PRKAG2: variants seen among roughly 807,000 people sequenced by gnomAD.
PRKAG2 encodes protein kinase AMP-activated non-catalytic subunit gamma 2, also known as 5'-AMP-activated protein kinase subunit gamma-2.
PRKAG2 carries 26 observed loss-of-function variants against 69.6 expected under a neutral mutation model. The observed-to-expected ratio is 0.37, with a 90% CI of 0.27 to 0.52. The LOEUF (loss-of-function observed/expected upper bound fraction) is 0.52, where lower values mean the gene tolerates loss of function less well. Ranked by LOEUF, PRKAG2 falls within the 20% of genes least tolerant of loss-of-function variation. The pLI, the probability that PRKAG2 is intolerant of heterozygous loss-of-function variation, is 0.90. For synonymous variants in PRKAG2, 293 were observed against 285.0 expected (o/e 1.03, Z -0.28); for missense variants, 557 against 740.0 (o/e 0.75, Z 2.87).
At chr7:151,744,060 A>G (rs1323160857) in intron 3 of PRKAG2, among the ~76,000 whole-genome samples, 1 of 152,202 alleles carries the variant, frequency 6.6e-6, no homozygotes, top group Non-Finnish European at 1.5e-5. Context: ...GGGCTCGAAG[A>G]TGGAGCACGG....
chr7:151,659,880 C>T (rs1585565314), intron 4 of PRKAG2, among the ~76,000 whole-genome samples: 1 of 152,324 alleles, frequency 6.6e-6, no homozygotes, highest in East Asian at 1.9e-4. Context: ...TGTCTGAACA[C>T]ATCACTCACG....
chr7:151,801,630 C>T (rs1318106760), intron 1 of PRKAG2, among the ~76,000 whole-genome samples: 2 of 152,158 alleles, frequency 1.3e-5, no homozygotes, highest in African/African-American at 2.4e-5. Flanking sequence ...CGCTAATGAA[C>T]CTAAACAAGG....
intron 6 of PRKAG2, among the ~76,000 whole-genome samples, chr7:151,579,017 A>AT (rs888765582): frequency 2.0e-5 from 3 of 151,972 alleles, no homozygotes; most frequent in East Asian, 1.9e-4. Context: ...GTATTTATTT[A>AT]TTTTTTTTGG....
intron 1 of PRKAG2, among the ~76,000 whole-genome samples, chr7:151,849,598 G>A (rs776427729): frequency 7.9e-5 from 12 of 152,160 alleles, no homozygotes; most frequent in Non-Finnish European, 1.8e-4. Context: ...AAGATCAAGG[G>A]GTGGGCAGGG....
intron 1 of PRKAG2, among the ~76,000 whole-genome samples, chr7:151,869,953 C>T (rs191847842): frequency 2.0e-5 from 3 of 152,344 alleles, no homozygotes; most frequent in Admixed American, 6.5e-5. Context: ...GTCAAGAAAG[C>T]TTGCAGCGTG....
chr7:151,751,790 T>C (rs990611297), intron 3 of PRKAG2, among the ~76,000 whole-genome samples: 4 of 152,134 alleles, frequency 2.6e-5, no homozygotes, highest in Admixed American at 6.5e-5. Flanking sequence ...TGGGATTACA[T>C]GTGTAAGCCA....
At chr7:151,798,914 C>G (rs1017117220) in intron 1 of PRKAG2, among the ~76,000 whole-genome samples, 6 of 152,106 alleles carry the variant, frequency 3.9e-5, no homozygotes, top group African/African-American at 1.4e-4. Flanking sequence ...CACCTCTCAC[C>G]ACCACCCCCA....
chr7:151,608,981 C>A (rs6955205), intron 5 of PRKAG2, among the ~76,000 whole-genome samples: 23,225 of 152,054 alleles, frequency 0.15, 1,902 homozygotes, highest in East Asian at 0.26. Context: ...CCCACCTCAG[C>A]CTCCCACATA....
chr7:151,836,150 G>A lies in PRKAG2; in HGVS notation c.114+40357C>T, dbSNP rs372136429. On this transcript the variant is annotated intron_variant, in intron 1 of 15. Coordinates refer to ENST00000287878, the MANE Select transcript of PRKAG2 (RefSeq NM_016203.4). This position sits in a 1 kb window ranked among gnomAD's most constrained non-coding sequence, Gnocchi z 4.1. ...CATATCCTGAGTTTTGTCTTCGGCCGTGTCTTTGGAGCATTCCTTCCCCTA... is the reference window on the plus strand; with the variant it reads ...CATATCCTGAGTTTTGTCTTCGGCCATGTCTTTGGAGCATTCCTTCCCCTA... Among the ~76,000 whole-genome samples, 2 of 152,168 alleles carry A rather than the reference G, an allele frequency of 1.3e-5. No individual in the cohort carries two copies. The highest frequency in any genetic ancestry group is 1.9e-4 in the East Asian group (1 of 5,192).
intron 3 of PRKAG2, among the ~76,000 whole-genome samples, chr7:151,727,103 T>G (rs1435820553): frequency 6.6e-6 from 1 of 151,922 alleles, no homozygotes; most frequent in Non-Finnish European, 1.5e-5. Flanking sequence ...TAATCCCACC[T>G]ACTCAGGAAG....
intron 1 of PRKAG2, chr7:151,790,607 C>T (rs576681469): frequency 6.6e-6 from 1 of 152,250 alleles, no homozygotes; most frequent in African/African-American, 2.4e-5. Flanking sequence ...AGCATGGGGC[C>T]GCAGAGTCTG....
At chr7:151,751,744 C>G (rs977754309) in intron 3 of PRKAG2, among the ~76,000 whole-genome samples, 1 of 151,456 alleles carries the variant, frequency 6.6e-6, no homozygotes, top group African/African-American at 2.4e-5. Flanking sequence ...AACTCCTGAG[C>G]TCAAGCAATC....
intron 4 of PRKAG2, among the ~76,000 whole-genome samples, chr7:151,660,513 C>T (rs1000882593): frequency 2.6e-5 from 4 of 152,156 alleles, no homozygotes; most frequent in East Asian, 1.9e-4. Context: ...ATGTAACATT[C>T]GTTGTTTACT....
At chr7:151,595,303 C>G (rs1033137369) in intron 6 of PRKAG2, 42 bp downstream of exon 6, 35 of 1,370,082 alleles carry the variant, frequency 2.6e-5, no homozygotes, top group Non-Finnish European at 3.1e-5. Flanking sequence ...TAGTAGCCAT[C>G]CAAAAAATAC....
intron 3 of PRKAG2, among the ~76,000 whole-genome samples, chr7:151,732,634 G>C (rs1280131403): frequency 1.3e-5 from 2 of 152,230 alleles, no homozygotes; most frequent in Non-Finnish European, 2.9e-5. Context: ...TAGAGCTACA[G>C]ACCGTGCTCC....
chr7:151,836,209 T>C lies in PRKAG2; in HGVS notation c.114+40298A>G, dbSNP rs1273101722. On this transcript the variant is annotated intron_variant, in intron 1 of 15. Transcript: ENST00000287878. The surrounding 1 kb of genome is among the most constrained non-coding windows in gnomAD (Gnocchi z 4.1). ...TTTCTCTTTTATGTTTTGTCTGTCATCTCTTCCCCAGGAGACTGAGAGACT... is the reference window on the plus strand; with the variant it reads ...TTTCTCTTTTATGTTTTGTCTGTCACCTCTTCCCCAGGAGACTGAGAGACT... Among the ~76,000 whole-genome samples, 1 of 152,206 alleles carries C rather than the reference T, an allele frequency of 6.6e-6. No homozygotes were observed. Among genetic ancestry groups the C allele is most frequent in the African/African-American group, 2.4e-5 (1 of 41,450 alleles).
intron 6 of PRKAG2, among the ~76,000 whole-genome samples, chr7:151,586,353 A>G (rs1811669835): frequency 6.6e-6 from 1 of 152,084 alleles, no homozygotes; most frequent in Non-Finnish European, 1.5e-5. Context: ...TGGTCAATTC[A>G]TGACCGATTC....
intron 3 of PRKAG2, among the ~76,000 whole-genome samples, chr7:151,721,388 AGGGCCG>A (rs1187866220): frequency 7.5e-6 from 1 of 133,594 alleles, no homozygotes; most frequent in Non-Finnish European, 1.7e-5. Flanking sequence ...GGCCAGGGCC[AGGGCCG>A]GGGCCAGGGC....
chr7:151,614,784 T>A lies in PRKAG2; in HGVS notation c.754+17285A>T, dbSNP rs1179010169. ...ATCACCAGCAACCACCTGGCACTAATCACAATGGCTTTTCTGCAAACTCCT... is the reference window on the plus strand; with the variant it reads ...ATCACCAGCAACCACCTGGCACTAAACACAATGGCTTTTCTGCAAACTCCT... On this transcript the variant is annotated intron_variant, in intron 5 of 15. Transcript: ENST00000287878. The surrounding 1 kb of genome is among the most constrained non-coding windows in gnomAD (Gnocchi z 4.4). 2.0e-5 allele frequency among the ~76,000 whole-genome samples: 3 copies of A among 152,220 alleles called. No homozygotes were observed. The highest frequency in any genetic ancestry group is 7.2e-5 in the African/African-American group (3 of 41,462).
Sources: gnomAD v4.1 joint callset for allele counts (sites outside exome capture counted in the v4.1 genomes callset) on GRCh38, gnomAD v4.1.1 for gene constraint, Gnocchi (gnomAD v3.1) non-coding constraint, MANE v1.5 for transcripts, NCBI Gene and HGNC (gene_info 2026-07-23, HGNC 2026-07-21) for gene names.